The following DAPK1 variants were observed in gnomAD, a reference collection of about 807,000 sequenced individuals.
DAPK1 encodes the protein death-associated protein kinase 1.
Under a neutral mutation model 144.9 loss-of-function variants are expected in DAPK1, and 56 were observed. That is an observed-to-expected ratio of 0.39 (90% CI 0.31 to 0.48). The LOEUF (loss-of-function observed/expected upper bound fraction) is 0.48. Among genes scored for constraint, DAPK1 ranks in the 20% least tolerant of loss-of-function variants. The pLI, the probability that DAPK1 is intolerant of heterozygous loss-of-function variation, is 0.95. For missense variants in DAPK1, 1,454 were observed against 1,875.4 expected, an observed-to-expected ratio of 0.78 and a Z score of 4.15; for synonymous variants, 690 against 749.0, an observed-to-expected ratio of 0.92 and a Z score of 1.29.
At chr9:87,704,936 C>T (rs1825584287) in intron 25 of DAPK1, among the ~76,000 whole-genome samples, 1 of 152,080 alleles carries the variant, frequency 6.6e-6, no homozygotes, top group African/African-American at 2.4e-5. Context: ...TGTTTTTTGT[C>T]ACTTTTTTTT....
intron 22 of DAPK1, 112 bp from the exon 23 acceptor site, chr9:87,698,544 G>A: frequency 1.4e-6 from 1 of 706,626 alleles, no homozygotes; most frequent in Non-Finnish European, 2.5e-6. Flanking sequence ...TGTTGCACTT[G>A]TACCTGGAGA....
At chr9:87,638,633 TG>T (rs1335466414) in intron 4 of DAPK1, among the ~76,000 whole-genome samples, 1 of 152,136 alleles carries the variant, frequency 6.6e-6, no homozygotes, top group Non-Finnish European at 1.5e-5. Flanking sequence ...CAATAGGAAG[TG>T]GCAATGGTGG....
rs565813885 is a variant in DAPK1, at chr9:87,575,226, T to G, written c.63-29728T>G. Among the ~76,000 whole-genome samples, 194 of 63,376 alleles carry G rather than the reference T, an allele frequency of 3.1e-3. 1 individual carries two copies. The highest frequency in any genetic ancestry group is 7.9e-3 in the Middle Eastern group (1 of 126). The allele number at this position is 63,376 out of a possible 152,430, so 41.6% of individuals were successfully genotyped here. On this transcript the variant is annotated intron_variant, in intron 2 of 25. Transcript: ENST00000408954. ...CAGACTCCATCTCAATAAAATAAAA[T>G]AAAATAAAATAAAATAAAATAAAAT...
chr9:87,664,044 G>C (rs1830963470), intron 18 of DAPK1, among the ~76,000 whole-genome samples: 1 of 151,760 alleles, frequency 6.6e-6, no homozygotes, highest in Non-Finnish European at 1.5e-5. Context: ...ACCCACCCCT[G>C]CACTGTAGCC....
At chr9:87,648,749 G>A (rs201267463) in intron 14 of DAPK1, 32 bp from the exon 15 acceptor site, 1 of 1,579,436 alleles carries the variant, frequency 6.3e-7, no homozygotes, top group Non-Finnish European at 8.7e-7. Context: ...CACAGATGTG[G>A]CTCTGAATCA....
chr9:87,648,688 A>G (rs1342741361), intron 14 of DAPK1, 93 bp from the exon 15 acceptor site: 4 of 1,154,692 alleles, frequency 3.5e-6, no homozygotes, highest in Non-Finnish European at 3.9e-6. Context: ...GACAGAGTGG[A>G]ACCAGGCAGG....
chr9:87,508,502 C>T (rs946141836), intron 2 of DAPK1, among the ~76,000 whole-genome samples: 3 of 152,082 alleles, frequency 2.0e-5, no homozygotes, highest in African/African-American at 7.2e-5. Context: ...GCCACCACAC[C>T]TGGCTAATTT....
At chr9:87,696,528 C>T (rs1272035747) in intron 21 of DAPK1, among the ~76,000 whole-genome samples, 1 of 152,112 alleles carries the variant, frequency 6.6e-6, no homozygotes, top group African/African-American at 2.4e-5. Context: ...GTTCAAGGGG[C>T]GTGGCACCAG....
chr9:87,537,278 A>T (rs189125512), intron 2 of DAPK1, among the ~76,000 whole-genome samples: 14 of 152,216 alleles, frequency 9.2e-5, no homozygotes, highest in African/African-American at 3.1e-4. Flanking sequence ...GAGCCACCGC[A>T]TCCAGCCCCT....
intron 18 of DAPK1, among the ~76,000 whole-genome samples, chr9:87,661,001 T>C (rs1830825747): frequency 6.6e-6 from 1 of 152,106 alleles, no homozygotes. Context: ...CAAGCCACCA[T>C]GCCCATTTTT....
At chr9:87,668,540 G>T in intron 18 of DAPK1, 57 bp from the exon 19 acceptor site, 1 of 906,148 alleles carries the variant, frequency 1.1e-6, no homozygotes, top group South Asian at 1.3e-5. Flanking sequence ...TTGGCGTATG[G>T]AACACACACA....
rs1401474364 is a variant in DAPK1 at position 87,649,980 on chromosome 9, C to A, written c.1488C>A (p.Ala496=). The change falls in exon 16 of 26, where the codon GCC becomes GCA. Residue 496 remains alanine (A), a synonymous_variant. Coordinates refer to ENST00000408954, the MANE Select transcript of DAPK1 (RefSeq NM_004938.4). ...ACGGCTATTACTCTGTGGCCAAAGC[C>A]CTTTGTGAAGCCGGCTGTAACGTGA... ...AWHGYYSVAK[A]LCEAGCNVNI... 6.2e-7 allele frequency: 1 copy of A among 1,614,166 alleles called. No individual in the cohort carries two copies. Among genetic ancestry groups the A allele is most frequent in the East Asian group, 2.2e-5 (1 of 44,864 alleles).
chr9:87,631,832 T>C (rs1829699836), intron 3 of DAPK1, among the ~76,000 whole-genome samples: 2 of 152,192 alleles, frequency 1.3e-5, no homozygotes, highest in Admixed American at 1.3e-4. Flanking sequence ...GGGAATAAAT[T>C]ACCAAACAAT....
At chr9:87,622,379 G>A (rs1829328299) in intron 3 of DAPK1, among the ~76,000 whole-genome samples, 1 of 151,954 alleles carries the variant, frequency 6.6e-6, no homozygotes, top group East Asian at 2.0e-4. Flanking sequence ...GCAGGCTCCG[G>A]TACCTCACAA....
At chr9:87,576,185 CAT>C (rs1827550783) in intron 2 of DAPK1, among the ~76,000 whole-genome samples, 1 of 152,180 alleles carries the variant, frequency 6.6e-6, no homozygotes, top group Admixed American at 6.5e-5. Flanking sequence ...CATGCACACA[CAT>C]GCGTACACAC....
At chr9:87,704,901 T>C (rs1825582508) in intron 25 of DAPK1, among the ~76,000 whole-genome samples, 1 of 152,232 alleles carries the variant, frequency 6.6e-6, no homozygotes, top group Admixed American at 6.5e-5. Flanking sequence ...GAAGCAGAAC[T>C]CTTCCATAAA....
At chr9:87,561,994 C>G (rs886422419) in intron 2 of DAPK1, among the ~76,000 whole-genome samples, 3 of 152,166 alleles carry the variant, frequency 2.0e-5, no homozygotes, top group Non-Finnish European at 2.9e-5. Context: ...AGGGGCTCTG[C>G]ACACTTCTCA....
intron 1 of DAPK1, 120 bp from the exon 2 acceptor site, chr9:87,498,850 G>A: frequency 5.8e-6 from 3 of 515,630 alleles, no homozygotes; most frequent in Non-Finnish European, 7.0e-6. Flanking sequence ...TCCACCCCGC[G>A]AGGAGGGGCA....
intron 2 of DAPK1, among the ~76,000 whole-genome samples, chr9:87,588,920 C>T (rs1564010077): frequency 6.6e-6 from 1 of 151,956 alleles, no homozygotes; most frequent in Non-Finnish European, 1.5e-5. Flanking sequence ...CAGAATTTTG[C>T]TCTTGTTGCC....
Sources: allele counts gnomAD v4.1 joint callset (sites outside exome capture counted in the v4.1 genomes callset), GRCh38; gene constraint gnomAD v4.1.1; transcripts MANE v1.5; gene names NCBI Gene and HGNC (gene_info 2026-07-23, HGNC 2026-07-21).